The following DST variants were observed in gnomAD, a reference collection of about 807,000 sequenced individuals.
DST encodes the protein dystonin.
Under a neutral mutation model 875.2 loss-of-function variants are expected in DST, and 253 were observed. That is an observed-to-expected ratio of 0.29 (90% confidence interval 0.26 to 0.32). The LOEUF (loss-of-function observed/expected upper bound fraction) is 0.32, where lower values mean the gene tolerates loss of function less well. Among genes scored for constraint, DST ranks in the 10% least tolerant of loss-of-function variants. The pLI is 1.00. For missense variants in DST, 8,287 were observed against 9,111.6 expected (o/e 0.91, Z 3.68); for synonymous variants, 3,124 against 3,197.1 (o/e 0.98, Z 0.77).
At chr6:56,633,327 C>T (rs2098798349) in intron 27 of DST, among the ~76,000 whole-genome samples, 1 of 149,134 alleles carries the variant, frequency 6.7e-6, no homozygotes, top group Admixed American at 6.6e-5. Flanking sequence ...CCCGGGTTCA[C>T]GCCATTCTCC....
At chr6:56,737,056 T>A (rs1589401991) in intron 4 of DST, among the ~76,000 whole-genome samples, 1 of 152,262 alleles carries the variant, frequency 6.6e-6, no homozygotes, top group Non-Finnish European at 1.5e-5. Context: ...TAGCCAGACA[T>A]GGTGGCATGC....
intron 2 of DST, among the ~76,000 whole-genome samples, chr6:56,940,092 T>A (rs997599213): frequency 1.3e-5 from 2 of 151,598 alleles, no homozygotes; most frequent in African/African-American, 4.8e-5. Context: ...AATCATACTA[T>A]CAAAAATGTC....
intron 55 of DST, among the ~76,000 whole-genome samples, chr6:56,566,191 C>T (rs755530740): frequency 3.9e-4 from 60 of 152,282 alleles, no homozygotes; most frequent in Non-Finnish European, 5.9e-4. Context: ...AGCCCCCTTT[C>T]CAGGGGAGTG....
intron 49 of DST, among the ~76,000 whole-genome samples, chr6:56,586,634 C>A (rs1199222304): frequency 2.0e-5 from 3 of 152,232 alleles, no homozygotes; most frequent in African/African-American, 2.4e-5. Flanking sequence ...CCCTGACCCC[C>A]GAGCAGCCTA....
intron 7 of DST, 138 bp from the exon 8 acceptor site, chr6:56,702,103 G>T: frequency 1.9e-6 from 1 of 531,546 alleles, no homozygotes; most frequent in Non-Finnish European, 3.3e-6. Context: ...TTTCTAAGAA[G>T]GTTTCAATTT....
At position 56,541,773 on chromosome 6, in the gene DST, A is replaced by C. The variant is rs58663350; in HGVS notation, c.16609-4833T>G. ...TCAGTATAAATGCAACTATCCTTTT[A>C]CCTGGTTGATTTTAGGATGATTCTA... On this transcript the variant is annotated intron_variant, in intron 61 of 103. Coordinates refer to ENST00000680361, the MANE Select transcript of DST (RefSeq NM_001374736.1). Among the ~76,000 whole-genome samples the C allele has an allele frequency of 9.0e-3, 1,363 of 152,250 alleles. 21 individuals are homozygous for C. The highest frequency in any genetic ancestry group is 0.032 in the African/African-American group (1,312 of 41,532).
At chr6:56,745,364 TAAGAA>T (rs2099569313) in intron 4 of DST, among the ~76,000 whole-genome samples, 1 of 152,196 alleles carries the variant, frequency 6.6e-6, no homozygotes, top group Non-Finnish European at 1.5e-5. Flanking sequence ...TGTAAGGTGT[TAAGAA>T]AAGCTTTCTT....
chr6:56,526,291 T>C, intron 69 of DST, 70 bp downstream of exon 69: 1 of 1,465,100 alleles, frequency 6.8e-7, no homozygotes, highest in South Asian at 1.2e-5. Flanking sequence ...CAGTCATCTT[T>C]GTTCAGGTAA....
In DST at chr6:56,603,199, G is replaced by A. The variant is rs1382659742; in HGVS notation, c.11157+6C>T. ...ATAAATCAAAATTTTGACATTTTAT[G>A]CCTACCATTTCAGAGTCGATCGCAA... On this transcript the variant is annotated splice_donor_region_variant and intron_variant, in intron 42 of 103. Coordinates refer to ENST00000680361, the MANE Select transcript of DST (RefSeq NM_001374736.1). 19 of 1,587,884 alleles carry A rather than the reference G, an allele frequency of 1.2e-5. No homozygotes were observed. Among genetic ancestry groups the A allele is most frequent in the Non-Finnish European group, 1.5e-5 (18 of 1,166,746 alleles).
chr6:56,912,863 A>G (rs984676811), intron 2 of DST, among the ~76,000 whole-genome samples: 12 of 152,242 alleles, frequency 7.9e-5, no homozygotes, highest in African/African-American at 2.9e-4. Flanking sequence ...TTACAAGGTC[A>G]TCACCAAGTT....
At chr6:56,594,379 G>A (rs1429844313) in intron 47 of DST, among the ~76,000 whole-genome samples, 186 bp from the exon 48 acceptor site, 4 of 152,086 alleles carry the variant, frequency 2.6e-5, no homozygotes, top group African/African-American at 9.7e-5. Flanking sequence ...AAGGCATTTT[G>A]AGCATGCTAA....
intron 36 of DST, among the ~76,000 whole-genome samples, chr6:56,621,204 T>C (rs2098688240): frequency 6.6e-6 from 1 of 152,068 alleles, no homozygotes; most frequent in African/African-American, 2.4e-5. Flanking sequence ...TCTAACCTAA[T>C]AGAAATTAAA....
intron 5 of DST, among the ~76,000 whole-genome samples, chr6:56,718,555 G>T (rs191124632): frequency 6.6e-6 from 1 of 152,132 alleles, no homozygotes; most frequent in Non-Finnish European, 1.5e-5. Context: ...CCATTTCTAG[G>T]GAAATGTGCA....
chr6:56,572,866 C>T lies in DST; in HGVS notation c.13435G>A (p.Val4479Ile). The T allele has an allele frequency of 6.2e-7, 1 of 1,613,420 alleles. No homozygotes were observed. The highest frequency in any genetic ancestry group is 8.5e-7 in the Non-Finnish European group (1 of 1,179,680). ...LAKMEELKTK[V>I]ELFENLSEKL... ...TCTGAGAGGTTCTCAAACAGTTCTACTTTGGTTTTTAGCTCCTCCATTTTG... is the reference window on the plus strand; with the variant it reads ...TCTGAGAGGTTCTCAAACAGTTCTATTTTGGTTTTTAGCTCCTCCATTTTG... The change falls in exon 52 of 104, where the codon GTA (valine) becomes ATA (isoleucine). Residue 4479 changes from valine to isoleucine, a missense_variant. Val to Ile is a conservative substitution (Grantham distance 29). Around this residue, in one of 10 missense-constraint regions of DST, gnomAD observed 1,513 missense variants for 1,677.8 expected, o/e 0.90. Coordinates refer to ENST00000680361, the MANE Select transcript of DST (RefSeq NM_001374736.1).
rs2096111476 is a variant in DST at position 56,501,254 on chromosome 6, G to A, written c.19741-19C>T. 6.4e-7 allele frequency: 1 copy of A among 1,563,556 alleles called. No individual in the cohort carries two copies. Among genetic ancestry groups the A allele is most frequent in the African/African-American group, 1.4e-5 (1 of 71,768 alleles). On this transcript the variant is annotated intron_variant, in intron 79 of 103. Transcript: ENST00000680361. Reference sequence around the variant, plus strand: ...GTTTATGCTACAGAAAAAGTGGAAAGAAAATCCATTTATAAATTTGATATT... The same window carrying A: ...GTTTATGCTACAGAAAAAGTGGAAAAAAAATCCATTTATAAATTTGATATT...
chr6:56,900,467 T>C lies in DST; in HGVS notation c.371A>G (p.Gln124Arg), dbSNP rs1457330485. The C allele has an allele frequency of 7.3e-7, 1 of 1,367,728 alleles. No homozygotes were observed. The highest frequency in any genetic ancestry group is 1.1e-5 in the South Asian group (1 of 88,048). The allele number at this position is 1,367,728 out of a possible 1,614,324, so 84.7% of individuals were successfully genotyped here. The change falls in exon 3 of 104, where the codon CAG becomes CGG. Residue 124 changes from glutamine (Q) to arginine (R), a missense_variant. This residue lies in a region of DST where 1,160 missense variants were observed against 1,424.3 expected (regional missense o/e 0.81). Transcript: ENST00000680361. ...KRRIKKSSRVQPEFYHSVQGA... is the reference protein window; with the variant it reads ...KRRIKKSSRVRPEFYHSVQGA... Reference sequence around the variant, plus strand: ...TTGAACAGAGTGATAAAATTCTGGCTGGACTCGGCTGCTCTTCTTGATTCT... The same window carrying C: ...TTGAACAGAGTGATAAAATTCTGGCCGGACTCGGCTGCTCTTCTTGATTCT...
At chr6:56,498,709 A>G (rs1452595631) in intron 80 of DST, among the ~76,000 whole-genome samples, 1 of 152,178 alleles carries the variant, frequency 6.6e-6, no homozygotes, top group Non-Finnish European at 1.5e-5. Flanking sequence ...ATATTTTACA[A>G]TCAGCATTCT....
chr6:56,644,510 G>GA (rs1357124715), intron 15 of DST, among the ~76,000 whole-genome samples: 3 of 151,682 alleles, frequency 2.0e-5, no homozygotes, highest in Admixed American at 6.6e-5. Flanking sequence ...GCAAGGGACA[G>GA]AAAAAAAACA....
chr6:56,704,219 C>A (rs2099323412), intron 6 of DST, 61 bp downstream of exon 6: 4 of 823,346 alleles, frequency 4.9e-6, no homozygotes, highest in Non-Finnish European at 7.6e-6. Context: ...TGAAAACATA[C>A]TGGTCCTATG....
Sources: allele counts gnomAD v4.1 joint callset (sites outside exome capture counted in the v4.1 genomes callset), GRCh38; gene constraint gnomAD v4.1.1; regional missense constraint gnomAD v4.1.1; transcripts MANE v1.5; gene names NCBI Gene and HGNC (gene_info 2026-07-23, HGNC 2026-07-21).